The following SYTL3 variants were observed in gnomAD, a reference collection of about 807,000 sequenced individuals.
SYTL3 encodes synaptotagmin-like protein 3.
SYTL3 carries 88 observed loss-of-function variants against 82.1 expected under a neutral mutation model. The observed-to-expected ratio is 1.07, with a 90% CI of 0.90 to 1.28. SYTL3 has a LOEUF of 1.28. Among genes scored for constraint, SYTL3 ranks in the 50% most tolerant of loss-of-function variants. The pLI, the probability that SYTL3 is intolerant of heterozygous loss-of-function variation, is 0.00. For synonymous variants in SYTL3, 311 were observed against 289.4 expected, an observed-to-expected ratio of 1.07 and a Z score of -0.76; for missense variants, 831 against 757.6, an observed-to-expected ratio of 1.10 and a Z score of -1.14.
intron 6 of SYTL3, among the ~76,000 whole-genome samples, chr6:158,693,339 C>T (rs1376084688): frequency 1.3e-5 from 2 of 152,034 alleles, no homozygotes; most frequent in African/African-American, 2.4e-5. Context: ...CACTTCAGCC[C>T]CCCAAGTAGC....
In SYTL3 at chr6:158,662,797, A is replaced by G. The variant is rs1172319621; in HGVS notation, c.-472A>G. 1 of 152,672 alleles carries G rather than the reference A, an allele frequency of 6.5e-6. No homozygotes were observed. The allele number at this position is 152,672 out of a possible 1,614,324, so 9.5% of individuals were successfully genotyped here. On this transcript the variant is annotated 5_prime_UTR_variant, in exon 4 of 18. Transcript: ENST00000611299. ...CATGATGGTTCCTGCTGACCTGGAA[A>G]CATCTTAAATGGAAGGTTAGCTTCT... is the stretch of plus-strand genomic sequence containing the variant.
chr6:158,660,279 C>A (rs533236532), intron 2 of SYTL3, among the ~76,000 whole-genome samples: 257 of 151,698 alleles, frequency 1.7e-3, no homozygotes, highest in Middle Eastern at 3.4e-3. Context: ...ACAACAACAA[C>A]AACAAAAAAC....
At chr6:158,682,228 C>T (rs1381618652) in intron 5 of SYTL3, among the ~76,000 whole-genome samples, 7 of 152,042 alleles carry the variant, frequency 4.6e-5, no homozygotes, top group African/African-American at 1.2e-4. Flanking sequence ...CGTGAGCCAC[C>T]GCGCCTGGCT....
intron 2 of SYTL3, among the ~76,000 whole-genome samples, chr6:158,653,301 G>A (rs1788262605): frequency 6.6e-6 from 1 of 152,056 alleles, no homozygotes; most frequent in South Asian, 2.1e-4. Context: ...GAGGTTGGGA[G>A]TTTGAGACCA....
chr6:158,666,294 TACTC>T (rs1200011153), intron 5 of SYTL3, among the ~76,000 whole-genome samples: 1 of 152,220 alleles, frequency 6.6e-6, no homozygotes, highest in African/African-American at 2.4e-5. Context: ...CTGTCTTTAA[TACTC>T]AGCTAAAGAA....
At chr6:158,735,814 G>A (rs1238204042) in intron 11 of SYTL3, among the ~76,000 whole-genome samples, 1 of 152,184 alleles carries the variant, frequency 6.6e-6, no homozygotes, top group Admixed American at 6.5e-5. Context: ...CTCCGTGTTG[G>A]TAAGGTGTAG....
chr6:158,666,391 T>A (rs900815208), intron 5 of SYTL3, among the ~76,000 whole-genome samples: 1 of 152,210 alleles, frequency 6.6e-6, no homozygotes, highest in Admixed American at 6.5e-5. Flanking sequence ...ATACCAGTTT[T>A]AACATGGAAT....
chr6:158,755,825 G>A (rs55835649), intron 13 of SYTL3, among the ~76,000 whole-genome samples: 51,289 of 151,998 alleles, frequency 0.34, 10,666 homozygotes, highest in African/African-American at 0.59. Flanking sequence ...CGCCGGAGTG[G>A]GGGCAGCATG....
At chr6:158,701,220 GAA>G (rs1781201770) in intron 6 of SYTL3, among the ~76,000 whole-genome samples, 2 of 69,764 alleles carry the variant, frequency 2.9e-5, no homozygotes, top group African/African-American at 2.2e-4. Flanking sequence ...GGGTGTAGAT[GAA>G]GGAGTGTGAG....
At chr6:158,660,947 C>T (rs997982879) in intron 2 of SYTL3, among the ~76,000 whole-genome samples, 30 of 152,100 alleles carry the variant, frequency 2.0e-4, no homozygotes, top group African/African-American at 7.0e-4. Context: ...CCCAGCTACT[C>T]GGGAGGCGGA....
At chr6:158,752,399 C>T (rs1788510842) in intron 13 of SYTL3, among the ~76,000 whole-genome samples, 1 of 152,066 alleles carries the variant, frequency 6.6e-6, no homozygotes, top group South Asian at 2.1e-4. Flanking sequence ...GACAGAGTGC[C>T]CTGAAAATTA....
intron 5 of SYTL3, among the ~76,000 whole-genome samples, chr6:158,680,895 C>G (rs2630750): frequency 0.42 from 63,888 of 152,138 alleles, 16,022 homozygotes; most frequent in African/African-American, 0.71. Flanking sequence ...GATATCTTCT[C>G]ACAATTACTA....
Position 158,665,559 on chromosome 6 carries a change from G to T in SYTL3, c.275G>T (p.Arg92Leu). The change falls in exon 5 of 18, where the codon CGA (arginine) becomes CTA (leucine). Residue 92 changes from arginine to leucine, a missense_variant. By Grantham distance (102) the Arg-to-Leu change is moderately radical. Coordinates refer to ENST00000611299, the MANE Select transcript of SYTL3 (RefSeq NM_001242394.2). ...GCSHRVCAQC[R>L]VFLRGTHAWK... is the part of the protein sequence containing the mutation. ...AGCCACCGCGTGTGTGCCCAGTGCC[G>T]AGTGTTCCTGAGGGGGACCCATGCC... 2.5e-6 allele frequency: 4 copies of T among 1,581,722 alleles called. No homozygotes were observed. In the South Asian group the frequency reaches 4.6e-5, roughly 18 times the overall value.
At chr6:158,718,955 T>C (rs1221040555) in intron 10 of SYTL3, among the ~76,000 whole-genome samples, 1 of 152,144 alleles carries the variant, frequency 6.6e-6, no homozygotes. Context: ...GACTGTCCTT[T>C]AGGCGAGGGT....
At position 158,756,650 on chromosome 6, in the gene SYTL3, T is replaced by TGCA. The variant is rs556363570; in HGVS notation, c.1138-559_1138-557dup. Among the ~76,000 whole-genome samples the TGCA allele has an allele frequency of 6.1e-5, 9 of 147,560 alleles. No individual in the cohort carries two copies. In the East Asian group the frequency reaches 1.7e-3, roughly 29 times the overall value. On this transcript the variant is annotated intron_variant, in intron 13 of 17. Coordinates refer to ENST00000611299, the MANE Select transcript of SYTL3 (RefSeq NM_001242394.2). ...TCGCTTGAACCCAGGAGGCAGAGGTTGCAGTGAGCCAAGATCGTGCCACTG... is the reference window on the plus strand; with the variant it reads ...TCGCTTGAACCCAGGAGGCAGAGGTTGCAGCAGTGAGCCAAGATCGTGCCACTG...
chr6:158,674,119 A>AATAATAATAATGATGATG (rs544841096), intron 5 of SYTL3, among the ~76,000 whole-genome samples: 1 of 141,456 alleles, frequency 7.1e-6, no homozygotes, highest in African/African-American at 2.7e-5. Flanking sequence ...TAATAATAAT[A>AATAATAATAATGATGATG]ATGATGATGA....
At chr6:158,710,070 A>C (rs1782588249) in intron 8 of SYTL3, among the ~76,000 whole-genome samples, 1 of 152,148 alleles carries the variant, frequency 6.6e-6, no homozygotes, top group Admixed American at 6.5e-5. Flanking sequence ...ATGACAGAAC[A>C]CTTAACTGGC....
intron 12 of SYTL3, among the ~76,000 whole-genome samples, chr6:158,751,003 C>T (rs1339810683): frequency 1.3e-5 from 2 of 152,052 alleles, no homozygotes; most frequent in African/African-American, 4.8e-5. Flanking sequence ...ACCATGCTGG[C>T]CAGGCTGGTC....
chr6:158,699,603 G>T (rs1780942210), intron 6 of SYTL3, among the ~76,000 whole-genome samples: 1 of 152,060 alleles, frequency 6.6e-6, no homozygotes, highest in Non-Finnish European at 1.5e-5. Context: ...TGTGAGCCCT[G>T]CTGTGGGTAG....
Sources: allele counts gnomAD v4.1 joint callset (sites outside exome capture counted in the v4.1 genomes callset), GRCh38; gene constraint gnomAD v4.1.1; transcripts MANE v1.5; gene names NCBI Gene and HGNC (gene_info 2026-07-23, HGNC 2026-07-21).